Variants in GABRG3 observed in about 807,000 individuals in gnomAD.
GABRG3 encodes the protein gamma-aminobutyric acid receptor subunit gamma-3.
In GABRG3, 25 loss-of-function variants were observed where a neutral mutation model predicts 48.8. The observed-to-expected ratio is 0.51, with a 90% CI of 0.37 to 0.72. GABRG3 has a LOEUF of 0.72. Ranked by LOEUF, GABRG3 falls within the 30% of genes least tolerant of loss-of-function variation. The probability of loss-of-function intolerance (pLI) is 0.00; values close to 1 mark genes in which losing one functional copy is unlikely to be tolerated. For synonymous variants in GABRG3, 227 were observed against 217.6 expected (o/e 1.04, Z -0.38); for missense variants, 394 against 577.9 (o/e 0.68, Z 3.26).
rs57903886 is a variant in GABRG3 at position 27,062,434 on chromosome 15, TAAAAAA to T, written c.270+35632_270+35637del. Among the ~76,000 whole-genome samples, 3 of 32,826 alleles carry T rather than the reference TAAAAAA, an allele frequency of 9.1e-5. 1 individual carries two copies. The highest frequency in any genetic ancestry group is 2.5e-4 in the Non-Finnish European group (3 of 11,810). The allele number at this position is 32,826 out of a possible 152,430, so 21.5% of individuals were successfully genotyped here. On this transcript the variant is annotated intron_variant, in intron 3 of 9. Transcript: ENST00000615808. The stretch of plus-strand genomic sequence containing the variant: ...CAACATGGTGAAACTCCATCTCTAC[TAAAAAA>T]AAAAAAAAAAAAAAAAAATTAGCCT...
chr15:27,308,493 CA>C (rs1409943065), intron 3 of GABRG3, among the ~76,000 whole-genome samples: 5 of 147,100 alleles, frequency 3.4e-5, no homozygotes, highest in Admixed American at 1.4e-4. Flanking sequence ...TGTAAACATA[CA>C]TGTTTTATAT....
Position 26,971,516 on chromosome 15 carries a change from G to C in GABRG3, c.-20G>C. 6.6e-7 allele frequency: 1 copy of C among 1,510,670 alleles called. No individual in the cohort carries two copies. The allele number at this position is 1,510,670 out of a possible 1,614,324, so 93.6% of individuals were successfully genotyped here. ...GCCCGGCCGAGGCCCCGGACCCTGC[G>C]CCCCGAGCTCCACGGCACCATGGCC... On this transcript the variant is annotated 5_prime_UTR_variant, in exon 1 of 10. Coordinates refer to ENST00000615808, the MANE Select transcript of GABRG3 (RefSeq NM_033223.5).
chr15:27,341,123 T>G (rs1894161645), intron 5 of GABRG3: 1 of 288,912 alleles, frequency 3.5e-6, no homozygotes, highest in African/African-American at 2.2e-5. Flanking sequence ...TCCAGATTTT[T>G]GTTTTGTTTT....
chr15:27,412,021 G>A lies in GABRG3; in HGVS notation c.575-68629G>A, dbSNP rs547143075. ...ATTTTTCTTCTGCTTGAAGAACTTC[G>A]TATAATATTTATTTCTGGGCAGGTC... On this transcript the variant is annotated intron_variant, in intron 5 of 9. Transcript: ENST00000615808. Among the ~76,000 whole-genome samples, 131 of 151,680 alleles carry A rather than the reference G, an allele frequency of 8.6e-4. 2 individuals carry two copies. Among genetic ancestry groups the A allele is most frequent in the South Asian group, 3.6e-3 (17 of 4,784 alleles).
At chr15:27,073,238 G>A (rs975944230) in intron 3 of GABRG3, among the ~76,000 whole-genome samples, 5 of 152,230 alleles carry the variant, frequency 3.3e-5, no homozygotes, top group African/African-American at 7.2e-5. Flanking sequence ...ATGAGATCCT[G>A]CCTGGCAGAT....
chr15:27,170,078 C>T (rs1887514224), intron 3 of GABRG3, among the ~76,000 whole-genome samples: 1 of 152,192 alleles, frequency 6.6e-6, no homozygotes, highest in Non-Finnish European at 1.5e-5. Flanking sequence ...AGTCAAACTT[C>T]TTCAGATTGA....
intron 3 of GABRG3, among the ~76,000 whole-genome samples, chr15:27,278,976 C>T (rs888192065): frequency 2.6e-5 from 4 of 152,202 alleles, no homozygotes; most frequent in African/African-American, 9.7e-5. Flanking sequence ...TCCTCTCCAG[C>T]CTGTGCTGTT....
rs2150845005 is a variant in GABRG3 at position 27,480,776 on chromosome 15, C to A, written c.701C>A (p.Thr234Lys). The A allele has an allele frequency of 1.2e-6, 2 of 1,613,714 alleles. No individual in the cohort carries two copies. The highest frequency in any genetic ancestry group is 1.7e-6 in the Non-Finnish European group (2 of 1,179,782). The change falls in exon 6 of 10, where the codon ACA (threonine) becomes AAA (lysine). Residue 234 changes from threonine to lysine, a missense_variant. Physicochemically the swap from Thr to Lys is moderately conservative, Grantham distance 78. This residue lies in a region of GABRG3 where 218 missense variants were observed against 309.9 expected (regional missense o/e 0.70). Transcript: ENST00000615808. ...MGLRNTTEIV[T>K]TSAGDYVVMT... ...CTCAGAAACACCACAGAAATCGTGACAACGTCTGCAGGTAGGAATTTACTG... is the reference window on the plus strand; with the variant it reads ...CTCAGAAACACCACAGAAATCGTGAAAACGTCTGCAGGTAGGAATTTACTG...
chr15:27,307,008 ATAAACATGTTTATATATAAACATG>A (rs1410848375), intron 3 of GABRG3, among the ~76,000 whole-genome samples: 3 of 116,714 alleles, frequency 2.6e-5, no homozygotes, highest in African/African-American at 8.4e-5. Context: ...ATAAACATGT[ATAAACATGTTTATATATAAACATG>A]TATAAAATAA....
chr15:27,306,303 A>C (rs1363816091), intron 3 of GABRG3, among the ~76,000 whole-genome samples: 11 of 136,196 alleles, frequency 8.1e-5, no homozygotes, highest in Non-Finnish European at 1.7e-4. Context: ...ATATAAACAT[A>C]TATATAATAT....
chr15:27,320,912 C>T (rs1276747145), intron 3 of GABRG3, among the ~76,000 whole-genome samples: 1 of 152,190 alleles, frequency 6.6e-6, no homozygotes, highest in Admixed American at 6.5e-5. Context: ...GTTGCATTAA[C>T]ATCAGGTGAC....
At chr15:27,493,326 A>C (rs1279551838) in intron 6 of GABRG3, among the ~76,000 whole-genome samples, 1 of 152,138 alleles carries the variant, frequency 6.6e-6, no homozygotes, top group African/African-American at 2.4e-5. Flanking sequence ...TTTTTAAAAA[A>C]CTTAAATTCT....
chr15:27,267,382 C>T (rs1595624547), intron 3 of GABRG3, among the ~76,000 whole-genome samples: 2 of 152,062 alleles, frequency 1.3e-5, no homozygotes, highest in African/African-American at 4.8e-5. Flanking sequence ...GTTGGGATTA[C>T]AGGCATGAGC....
intron 3 of GABRG3, among the ~76,000 whole-genome samples, chr15:27,227,116 A>T (rs550532114): frequency 1.3e-5 from 2 of 152,308 alleles, no homozygotes; most frequent in Non-Finnish European, 2.9e-5. Context: ...CTTGCATAGA[A>T]TGTTGTTGAT....
chr15:27,477,486 T>G (rs1256134819), intron 5 of GABRG3, among the ~76,000 whole-genome samples: 1 of 152,192 alleles, frequency 6.6e-6, no homozygotes, highest in Non-Finnish European at 1.5e-5. Context: ...TGTACAATAC[T>G]GCAGTGGTGG....
At chr15:27,023,116 G>T (rs1895926420) in intron 2 of GABRG3, among the ~76,000 whole-genome samples, 1 of 152,170 alleles carries the variant, frequency 6.6e-6, no homozygotes, top group Non-Finnish European at 1.5e-5. Context: ...TTCAAAGGAA[G>T]AATCCATTTT....
chr15:27,350,949 T>C (rs1164564257), intron 5 of GABRG3, among the ~76,000 whole-genome samples: 1 of 151,314 alleles, frequency 6.6e-6, no homozygotes, highest in Non-Finnish European at 1.5e-5. Context: ...GTGTGTATGC[T>C]GTGTGTGCAT....
chr15:27,222,280 T>G (rs1889477621), intron 3 of GABRG3, among the ~76,000 whole-genome samples: 1 of 152,196 alleles, frequency 6.6e-6, no homozygotes, highest in South Asian at 2.1e-4. Context: ...GGCAATGCCA[T>G]CTAAGGCAGC....
intron 3 of GABRG3, among the ~76,000 whole-genome samples, chr15:27,261,955 A>G (rs528281018): frequency 6.6e-6 from 1 of 152,212 alleles, no homozygotes; most frequent in South Asian, 2.1e-4. Context: ...AAACCTCTTC[A>G]CTAAATGGTT....
Sources: gnomAD v4.1 joint callset for allele counts (sites outside exome capture counted in the v4.1 genomes callset) on GRCh38, gnomAD v4.1.1 for gene constraint, gnomAD v4.1.1 regional missense constraint, MANE v1.5 for transcripts, NCBI Gene and HGNC (gene_info 2026-07-23, HGNC 2026-07-21) for gene names.